LIMA1: variants seen among roughly 807,000 people sequenced by gnomAD.
LIMA1 encodes the protein LIM domain and actin binding 1.
Under a neutral mutation model 62.6 loss-of-function variants are expected in LIMA1, and 52 were observed. That is an observed-to-expected ratio of 0.83 (90% CI 0.67 to 1.05). LIMA1 has a LOEUF of 1.05. Ranked by LOEUF, LIMA1 falls within the 50% of genes least tolerant of loss-of-function variation. LIMA1 has a pLI of 0.00. For missense variants in LIMA1, 780 were observed against 902.2 expected, an observed-to-expected ratio of 0.86 and a Z score of 1.74; for synonymous variants, 302 against 317.8, an observed-to-expected ratio of 0.95 and a Z score of 0.53.
intron 4 of LIMA1, among the ~76,000 whole-genome samples, chr12:50,221,698 T>C (rs1235345620): frequency 1.3e-5 from 2 of 152,118 alleles, no homozygotes; most frequent in East Asian, 3.8e-4. Flanking sequence ...CCCCCAAAGC[T>C]ACAAATGATA....
intron 1 of LIMA1, among the ~76,000 whole-genome samples, chr12:50,276,700 T>C (rs1401905970): frequency 6.6e-6 from 1 of 152,038 alleles, no homozygotes; most frequent in Non-Finnish European, 1.5e-5. Flanking sequence ...AGAAACCCTG[T>C]CTCTACTAAA....
intron 10 of LIMA1, among the ~76,000 whole-genome samples, chr12:50,180,302 G>GAA (rs80012066): frequency 8.4e-5 from 10 of 118,792 alleles, no homozygotes; most frequent in African/African-American, 2.5e-4. Context: ...TCCATCTCCG[G>GAA]AAAAAAAAAA....
At chr12:50,249,537 T>C (rs987477140) in intron 1 of LIMA1, 3 of 152,140 alleles carry the variant, frequency 2.0e-5, no homozygotes, top group East Asian at 3.8e-4. Context: ...GTACTTTAAG[T>C]TCAGGAGACA....
chr12:50,194,093 T>G (rs1388797371), intron 8 of LIMA1, among the ~76,000 whole-genome samples: 2 of 150,206 alleles, frequency 1.3e-5, no homozygotes, highest in Non-Finnish European at 3.0e-5. Context: ...GTTCAAGCAA[T>G]TCTCCTGTCT....
intron 1 of LIMA1, among the ~76,000 whole-genome samples, chr12:50,267,916 A>G (rs940949032): frequency 3.3e-5 from 5 of 151,876 alleles, no homozygotes; most frequent in African/African-American, 1.2e-4. Context: ...CTGCCTCCCT[A>G]ACTGCTGGGG....
chr12:50,198,952 G>C (rs997274010), intron 7 of LIMA1, among the ~76,000 whole-genome samples: 1 of 152,174 alleles, frequency 6.6e-6, no homozygotes. Flanking sequence ...CCTTAAGGGT[G>C]ACATAAAGAT....
intron 3 of LIMA1, among the ~76,000 whole-genome samples, chr12:50,231,268 A>C (rs1439247039): frequency 6.6e-6 from 1 of 152,184 alleles, no homozygotes; most frequent in East Asian, 1.9e-4. Context: ...TAAACAAAAA[A>C]CCCAGAAGAT....
rs1316471691 is a variant in LIMA1 at position 50,206,059 on chromosome 12, C to T, written c.640G>A (p.Ala214Thr). 1.2e-6 allele frequency: 2 copies of T among 1,611,760 alleles called. No individual in the cohort carries two copies. Among genetic ancestry groups the T allele is most frequent in the Non-Finnish European group, 1.7e-6 (2 of 1,178,516 alleles). ...CTTCCACTTGCACTTCGGCTTTGGG[C>T]CCGGAGAATCTGGAAAACGAAACCC... ...GEPTQTKILR[A>T]QSRSASGRKI... Residue 214 changes from alanine to threonine, a missense_variant, in exon 5 of 11, where the codon GCC becomes ACC. Transcript: ENST00000341247.
chr12:50,262,497 G>A (rs1454316924), intron 1 of LIMA1, among the ~76,000 whole-genome samples: 1 of 152,010 alleles, frequency 6.6e-6, no homozygotes, highest in Admixed American at 6.6e-5. Flanking sequence ...TTTAAGGCTG[G>A]GCACAGTGGC....
chr12:50,179,972 C>T (rs1940457794), intron 10 of LIMA1, among the ~76,000 whole-genome samples: 1 of 150,894 alleles, frequency 6.6e-6, no homozygotes, highest in East Asian at 2.0e-4. Flanking sequence ...TGAGACCAGC[C>T]TGACCAACAT....
intron 7 of LIMA1, 160 bp from the exon 8 acceptor site, chr12:50,196,047 C>T (rs1174032850): frequency 1.6e-6 from 1 of 633,358 alleles, no homozygotes; most frequent in Non-Finnish European, 2.6e-6. Flanking sequence ...AGCATTTGAA[C>T]AAGAGGCAGC....
chr12:50,265,219 G>A (rs1327262788), intron 1 of LIMA1, among the ~76,000 whole-genome samples: 1 of 151,802 alleles, frequency 6.6e-6, no homozygotes, highest in Non-Finnish European at 1.5e-5. Context: ...GAAAGTTGCT[G>A]TCATTATTTA....
chr12:50,197,465 G>T (rs1940955973), intron 7 of LIMA1, among the ~76,000 whole-genome samples: 1 of 152,044 alleles, frequency 6.6e-6, no homozygotes, highest in Non-Finnish European at 1.5e-5. Context: ...ATAGCTAAGG[G>T]TCTGAAAAAC....
At chr12:50,234,485 A>G (rs898383497) in intron 2 of LIMA1, among the ~76,000 whole-genome samples, 1 of 152,090 alleles carries the variant, frequency 6.6e-6, no homozygotes, top group African/African-American at 2.4e-5. Flanking sequence ...CTGAGATTAC[A>G]GGCATGAGCC....
chr12:50,252,681 A>ATGAG (rs1260214265), intron 1 of LIMA1, among the ~76,000 whole-genome samples: 2 of 151,854 alleles, frequency 1.3e-5, no homozygotes, highest in African/African-American at 2.4e-5. Context: ...GAAGTAACCC[A>ATGAG]TGAGTGATCA....
At chr12:50,208,305 G>A (rs892152111) in intron 4 of LIMA1, among the ~76,000 whole-genome samples, 1 of 152,146 alleles carries the variant, frequency 6.6e-6, no homozygotes, top group African/African-American at 2.4e-5. Flanking sequence ...CCAACATGGT[G>A]AAACCCCGTC....
At chr12:50,217,605 G>T in intron 4 of LIMA1, 1 of 172,132 alleles carries the variant, frequency 5.8e-6, no homozygotes, top group Non-Finnish European at 1.3e-5. Flanking sequence ...GCAGTCATGG[G>T]GCAGCACCGC....
intron 4 of LIMA1, among the ~76,000 whole-genome samples, chr12:50,216,040 CAA>C (rs5798134): frequency 7.9e-4 from 113 of 143,252 alleles, no homozygotes; most frequent in Middle Eastern, 3.7e-3. Context: ...GAGGCTGTCT[CAA>C]AAAAAAAAAA....
chr12:50,212,399 T>C (rs950787244), intron 4 of LIMA1, among the ~76,000 whole-genome samples: 1 of 152,108 alleles, frequency 6.6e-6, no homozygotes, highest in African/African-American at 2.4e-5. Flanking sequence ...TGCATGGAAA[T>C]CGGGGCATAG....
Sources: allele counts gnomAD v4.1 joint callset (sites outside exome capture counted in the v4.1 genomes callset), GRCh38; gene constraint gnomAD v4.1.1; transcripts MANE v1.5; gene names NCBI Gene and HGNC (gene_info 2026-07-23, HGNC 2026-07-21).